The following SLC1A6 variants were observed in gnomAD, a reference collection of about 807,000 sequenced individuals.
The protein encoded by SLC1A6 is excitatory amino acid transporter 4.
SLC1A6 carries 15 observed loss-of-function variants against 42.1 expected under a neutral mutation model. That is an observed-to-expected ratio of 0.36 (90% CI 0.24 to 0.55). SLC1A6 has a LOEUF of 0.55. SLC1A6 is among the 20% of genes least tolerant of loss of function. The pLI, the probability that SLC1A6 is intolerant of heterozygous loss-of-function variation, is 0.88. For missense variants in SLC1A6, 542 were observed against 772.5 expected (o/e 0.70, Z 3.54); for synonymous variants, 317 against 319.7 (o/e 0.99, Z 0.09).
At chr19:14,972,268 A>G (rs749991539) in intron 2 of SLC1A6, among the ~76,000 whole-genome samples, 1 of 152,210 alleles carries the variant, frequency 6.6e-6, no homozygotes, top group Non-Finnish European at 1.5e-5. Context: ...ATTTTCAAAC[A>G]TGGGAGTGTA....
Position 14,968,479 on chromosome 19 carries a change from C to T in SLC1A6, c.372G>A (p.Thr124=), listed in dbSNP as rs375572442. The T allele has an allele frequency of 3.0e-5, 48 of 1,612,180 alleles. No individual in the cohort carries two copies. The highest frequency in any genetic ancestry group is 6.7e-5 in the African/African-American group (5 of 74,856). ...TGMASLDNKA[T]GRMGMRAAVY... ...CAGCTGCCCGCATCCCCATCCGCCCCGTGGCCTTGTTGTCCAGGGATGCCA... is the reference window on the plus strand; with the variant it reads ...CAGCTGCCCGCATCCCCATCCGCCCTGTGGCCTTGTTGTCCAGGGATGCCA... The change falls in exon 4 of 10, where the codon ACG becomes ACA. Residue 124 remains threonine, a synonymous_variant. Coordinates refer to ENST00000594383, the MANE Select transcript of SLC1A6 (RefSeq NM_005071.3).
intron 1 of SLC1A6, among the ~76,000 whole-genome samples, chr19:14,995,980 T>C (rs1346132620): frequency 6.6e-6 from 1 of 152,070 alleles, no homozygotes. Flanking sequence ...TTTTTTACTA[T>C]CAAGGTAATT....
chr19:14,998,462 A>T (rs1336312099), intron 1 of SLC1A6, among the ~76,000 whole-genome samples: 2 of 152,080 alleles, frequency 1.3e-5, no homozygotes, highest in African/African-American at 4.8e-5. Context: ...AATCACTTGA[A>T]CCCAGCAGGG....
At chr19:15,000,113 T>C (rs1296413448) in intron 1 of SLC1A6, among the ~76,000 whole-genome samples, 2 of 150,932 alleles carry the variant, frequency 1.3e-5, no homozygotes, top group Non-Finnish European at 2.9e-5. Context: ...TCTAGGCTAA[T>C]GTAAGTGTTC....
At chr19:14,973,875 G>A (rs922080613) in intron 1 of SLC1A6, 1 of 152,332 alleles carries the variant, frequency 6.6e-6, no homozygotes, top group African/African-American at 2.4e-5. Context: ...GTGAGCAACA[G>A]GGAGAGCGGG....
intron 3 of SLC1A6, 148 bp from the exon 4 acceptor site, chr19:14,968,655 T>C (rs974796321): frequency 1.4e-5 from 9 of 638,958 alleles, no homozygotes; most frequent in East Asian, 2.8e-5. Context: ...AACCCACCCA[T>C]TACCCATTCA....
intron 1 of SLC1A6, among the ~76,000 whole-genome samples, chr19:15,000,003 C>A (rs548691175): frequency 1.2e-4 from 18 of 144,754 alleles, no homozygotes; most frequent in Middle Eastern, 3.7e-3. Context: ...CCCTCCCCCC[C>A]ACCCCACAAC....
intron 5 of SLC1A6, among the ~76,000 whole-genome samples, 180 bp from the exon 6 acceptor site, chr19:14,962,525 G>A (rs2045526098): frequency 6.6e-6 from 1 of 152,156 alleles, no homozygotes; most frequent in South Asian, 2.1e-4. Context: ...ATGAGTGAAT[G>A]AATGACTTGA....
At chr19:15,002,791 A>G (rs546666788) in intron 1 of SLC1A6, among the ~76,000 whole-genome samples, 8 of 152,308 alleles carry the variant, frequency 5.3e-5, no homozygotes, top group African/African-American at 7.2e-5. Flanking sequence ...AGGGCTGACA[A>G]TTTCAAAGCT....
intron 1 of SLC1A6, among the ~76,000 whole-genome samples, chr19:14,985,912 C>T (rs1466297156): frequency 6.6e-6 from 1 of 150,946 alleles, no homozygotes; most frequent in Non-Finnish European, 1.5e-5. Context: ...GAGCCGAGAT[C>T]ACACCACTGC....
At position 14,966,868 on chromosome 19, in the gene SLC1A6, G is replaced by T. The variant is rs1021427523; in HGVS notation, c.548+1435C>A. 2.6e-5 allele frequency among the ~76,000 whole-genome samples: 4 copies of T among 152,104 alleles called. No individual in the cohort carries two copies. The South Asian group carries it at 8.3e-4, about 32-fold the overall frequency. ...AGGGAAGGGAACATCACACCCTGGG[G>T]CCTTTTGGGGGCTGTGGGGGCAAAG... On this transcript the variant is annotated intron_variant, in intron 4 of 9. Transcript: ENST00000594383.
In SLC1A6 at chr19:14,972,793, G is replaced by A. The variant is rs1368863711; in HGVS notation, c.118C>T (p.Arg40Cys). 11 of 1,613,220 alleles carry A rather than the reference G, an allele frequency of 6.8e-6. No homozygotes were observed. Among genetic ancestry groups the A allele is most frequent in the Non-Finnish European group, 7.6e-6 (9 of 1,179,756 alleles). ...LQQRALRTRL[R>C]LQTMTLEHVL... ...TGCTCGAGGGTCATGGTCTGCAGGC[G>A]CAGGCGCGTGCGCAGTGCTCTCTGC... Residue 40 changes from arginine (R) to cysteine (C), a missense_variant, in exon 2 of 10, where the codon CGC (arginine) becomes TGC (cysteine). This residue lies in a region of SLC1A6 where 88 missense variants were observed against 85.5 expected (regional missense o/e 1.03). Transcript: ENST00000594383.
At chr19:14,952,307 G>A (rs1568282926) in intron 9 of SLC1A6, among the ~76,000 whole-genome samples, 2 of 151,484 alleles carry the variant, frequency 1.3e-5, no homozygotes. Flanking sequence ...CCAGCACTTT[G>A]GGAGGCTGAG....
chr19:14,964,216 G>C, intron 5 of SLC1A6, 103 bp downstream of exon 5: 1 of 936,314 alleles, frequency 1.1e-6, no homozygotes, highest in Non-Finnish European at 1.8e-6. Context: ...CCATTGCTCT[G>C]TCAGGCCCTT....
intron 5 of SLC1A6, chr19:14,964,049 G>T: frequency 3.5e-6 from 1 of 289,444 alleles, no homozygotes; most frequent in Non-Finnish European, 6.4e-6. Flanking sequence ...GGCTGGTCTT[G>T]AACTTTTGGC....
intron 1 of SLC1A6, among the ~76,000 whole-genome samples, chr19:15,008,663 T>C (rs2079249): frequency 0.39 from 59,711 of 151,922 alleles, 12,757 homozygotes; most frequent in East Asian, 0.55. Flanking sequence ...AACTTATGTG[T>C]CCATTAGCAG....
intron 3 of SLC1A6, among the ~76,000 whole-genome samples, chr19:14,969,443 T>C (rs1247099516): frequency 6.6e-6 from 1 of 152,178 alleles, no homozygotes; most frequent in Non-Finnish European, 1.5e-5. Flanking sequence ...ACTCCTTTGA[T>C]TCAGGTGGCA....
chr19:14,984,080 C>T (rs1421674235), upstream of SLC1A6, among the ~76,000 whole-genome samples: 1 of 152,034 alleles, frequency 6.6e-6, no homozygotes, highest in Admixed American at 6.6e-5. Context: ...GAGGCTGAGG[C>T]GGGCGGATCA....
rs573093823 is a variant in SLC1A6 at position 14,970,259 on chromosome 19, T to C, written c.343+1478A>G. 4.6e-4 allele frequency among the ~76,000 whole-genome samples: 70 copies of C among 152,140 alleles called. 1 individual carries two copies. The South Asian group carries it at 0.012, about 27-fold the overall frequency. ...TGATTTTTTTTATTTTATATAGAGA[T>C]GGAGTCTCACTGTGTTGCCCAGGCT... On this transcript the variant is annotated intron_variant, in intron 3 of 9. Transcript: ENST00000594383.
Sources: allele counts gnomAD v4.1 joint callset (sites outside exome capture counted in the v4.1 genomes callset), GRCh38; gene constraint gnomAD v4.1.1; regional missense constraint gnomAD v4.1.1; transcripts MANE v1.5; gene names NCBI Gene and HGNC (gene_info 2026-07-23, HGNC 2026-07-21).